Variants in STUM observed in about 807,000 individuals in gnomAD.
The protein encoded by STUM is protein stum homolog.
Under a neutral mutation model 15.3 loss-of-function variants are expected in STUM, and 8 were observed. The ratio of observed to expected loss-of-function variants is 0.52; its 90% CI spans 0.31 to 0.94. The LOEUF is 0.94. STUM is among the 40% of genes least tolerant of loss of function. The pLI, the probability that STUM is intolerant of heterozygous loss-of-function variation, is 0.05. For missense variants in STUM, 142 were observed against 204.9 expected, an observed-to-expected ratio of 0.69 and a Z score of 1.87; for synonymous variants, 78 against 88.7, an observed-to-expected ratio of 0.88 and a Z score of 0.68.
chr1:226,581,000 G>A (rs113668551), intron 1 of STUM, among the ~76,000 whole-genome samples: 3,967 of 152,288 alleles, frequency 0.026, 183 homozygotes, highest in African/African-American at 0.09. Context: ...ATAGTCTTCT[G>A]CCAAGGCCCA....
chr1:226,549,919 G>A lies in STUM; in HGVS notation c.202+813G>A, dbSNP rs958274444. On this transcript the variant is annotated intron_variant, in intron 1 of 3. Coordinates refer to ENST00000366788, the MANE Select transcript of STUM (RefSeq NM_001003665.4). This position sits in a 1 kb window ranked among gnomAD's most constrained non-coding sequence, Gnocchi z 6.8. ...CCTTACAGAGATGGTGCAGGAGGGT[G>A]AATGGAGGCAGGGAATGAGAAGTTT... 1.3e-5 allele frequency among the ~76,000 whole-genome samples: 2 copies of A among 152,172 alleles called. No homozygotes were observed. Among genetic ancestry groups the A allele is most frequent in the Non-Finnish European group, 2.9e-5 (2 of 68,024 alleles).
In STUM at chr1:226,567,622, G is replaced by A. The variant is rs997539008; in HGVS notation, c.202+18516G>A. ...AGAGAATGAGCTATACAAAGAGATC[G>A]AGGGAGGAGATGAACAGGTAAGACA... On this transcript the variant is annotated intron_variant, in intron 1 of 3. Transcript: ENST00000366788. The surrounding 1 kb of genome is among the most constrained non-coding windows in gnomAD (Gnocchi z 4.5). 6.6e-6 allele frequency among the ~76,000 whole-genome samples: 1 copy of A among 152,160 alleles called. No individual in the cohort carries two copies. Among genetic ancestry groups the A allele is most frequent in the African/African-American group, 2.4e-5 (1 of 41,440 alleles).
rs984659570 is a variant in STUM, at chr1:226,567,356, C to T, written c.202+18250C>T. Among the ~76,000 whole-genome samples, 3 of 152,206 alleles carry T rather than the reference C, an allele frequency of 2.0e-5. No individual in the cohort carries two copies. Among genetic ancestry groups the T allele is most frequent in the Non-Finnish European group, 4.4e-5 (3 of 68,030 alleles). ...CACACTACACTGCTAAAATGCTGAACATTTGCAGTGGAAAATAACGGAAAA... is the reference window on the plus strand; with the variant it reads ...CACACTACACTGCTAAAATGCTGAATATTTGCAGTGGAAAATAACGGAAAA... On this transcript the variant is annotated intron_variant, in intron 1 of 3. Transcript: ENST00000366788. This position sits in a 1 kb window ranked among gnomAD's most constrained non-coding sequence, Gnocchi z 4.5.
chr1:226,599,498 C>T (rs140338339), intron 2 of STUM, among the ~76,000 whole-genome samples: 1 of 152,326 alleles, frequency 6.6e-6, no homozygotes, highest in African/African-American at 2.4e-5. Context: ...ATAAGGGACT[C>T]TTCTTTCTGG....
Position 226,553,886 on chromosome 1 carries a change from A to C in STUM, c.202+4780A>C, listed in dbSNP as rs1166275032. Among the ~76,000 whole-genome samples, 3 of 152,246 alleles carry C rather than the reference A, an allele frequency of 2.0e-5. No individual in the cohort carries two copies. The East Asian group carries it at 5.8e-4, about 29-fold the overall frequency. On this transcript the variant is annotated intron_variant, in intron 1 of 3. Transcript: ENST00000366788. Reference sequence around the variant, plus strand: ...GAGTACGTAAAGAGTTTCTGGCTTGACAACATAAAAGAAGTTGGAAAGTAG... The same window carrying C: ...GAGTACGTAAAGAGTTTCTGGCTTGCCAACATAAAAGAAGTTGGAAAGTAG...
chr1:226,572,499 A>G (rs1349789162), intron 1 of STUM, among the ~76,000 whole-genome samples: 2 of 152,324 alleles, frequency 1.3e-5, no homozygotes, highest in Admixed American at 6.5e-5. Flanking sequence ...GAAAGGGGAA[A>G]GTGGAGCTGG....
In STUM at chr1:226,602,663, C is replaced by G. The variant is rs1379394449; in HGVS notation, c.*623C>G. On this transcript the variant is annotated 3_prime_UTR_variant, in exon 4 of 4. Transcript: ENST00000366788. Reference sequence around the variant, plus strand: ...GGGCCTGCCTCCCTGACCGCACCCCCCGCCTCCTCGCAGCTGAAATCTGAG... The same window carrying G: ...GGGCCTGCCTCCCTGACCGCACCCCGCGCCTCCTCGCAGCTGAAATCTGAG... 1 of 152,506 alleles carries G rather than the reference C, an allele frequency of 6.6e-6. No individual in the cohort carries two copies. The highest frequency in any genetic ancestry group is 1.5e-5 in the Non-Finnish European group (1 of 68,296). The allele number at this position is 152,506 out of a possible 1,614,324, so 9.4% of individuals were successfully genotyped here.
chr1:226,604,277 T>G lies in STUM; in HGVS notation c.*2237T>G, dbSNP rs1668321620. 6.6e-6 allele frequency: 1 copy of G among 152,186 alleles called. No homozygotes were observed. Among genetic ancestry groups the G allele is most frequent in the Non-Finnish European group, 1.5e-5 (1 of 68,066 alleles). The allele number at this position is 152,186 out of a possible 1,614,324, so 9.4% of individuals were successfully genotyped here. A position where few individuals can be genotyped will look rare whatever the true frequency, so the allele number is the denominator to read the frequency against. On this transcript the variant is annotated 3_prime_UTR_variant, in exon 4 of 4. Coordinates refer to ENST00000366788, the MANE Select transcript of STUM (RefSeq NM_001003665.4). This position sits in a 1 kb window ranked among gnomAD's most constrained non-coding sequence, Gnocchi z 4.7. ...CAGATGCAGGTGGGACTTTCTTGAG[T>G]GGCAGGTGTCACCCTGGGTCCCGTG...
At chr1:226,592,195 G>A (rs1935308) in intron 1 of STUM, among the ~76,000 whole-genome samples, 48,938 of 152,040 alleles carry the variant, frequency 0.32, 9,337 homozygotes, top group Admixed American at 0.45. Flanking sequence ...CTACAGGCGT[G>A]CACCACCACA....
intron 1 of STUM, among the ~76,000 whole-genome samples, chr1:226,575,797 GCACGCCAA>G: frequency 6.6e-6 from 1 of 152,356 alleles, no homozygotes; most frequent in South Asian, 2.1e-4. Context: ...AAAGGCAACT[GCACGCCAA>G]TAGATAGTCA....
At chr1:226,588,610 G>T (rs983787721) in intron 1 of STUM, among the ~76,000 whole-genome samples, 23 of 152,192 alleles carry the variant, frequency 1.5e-4, no homozygotes, top group Non-Finnish European at 2.8e-4. Context: ...AGAAGTATTT[G>T]TGAAACTTGT....
intron 1 of STUM, among the ~76,000 whole-genome samples, chr1:226,585,170 A>G (rs1397367490): frequency 6.6e-6 from 1 of 152,178 alleles, no homozygotes; most frequent in Non-Finnish European, 1.5e-5. Context: ...AATGATAATA[A>G]TTTTTTTAAA....
At chr1:226,589,115 G>A (rs546543092) in intron 1 of STUM, among the ~76,000 whole-genome samples, 4 of 152,180 alleles carry the variant, frequency 2.6e-5, no homozygotes, top group Non-Finnish European at 5.9e-5. Flanking sequence ...TCGGAAGACA[G>A]CTCTGCCTTT....
At chr1:226,555,189 C>T (rs1443938183) in intron 1 of STUM, among the ~76,000 whole-genome samples, 2 of 152,148 alleles carry the variant, frequency 1.3e-5, no homozygotes, top group African/African-American at 4.8e-5. Flanking sequence ...TCTTCTTGAC[C>T]CTGATCTTCT....
intron 1 of STUM, among the ~76,000 whole-genome samples, chr1:226,568,233 AAAAG>A (rs1420025387): frequency 1.3e-5 from 2 of 152,182 alleles, no homozygotes; most frequent in African/African-American, 2.4e-5. Context: ...TGTTTATTGA[AAAAG>A]AAAGAGTTTG....
chr1:226,586,616 C>T (rs1005941295), intron 1 of STUM, among the ~76,000 whole-genome samples: 10 of 152,146 alleles, frequency 6.6e-5, no homozygotes, highest in South Asian at 2.1e-4. Flanking sequence ...ATGTTGTAGG[C>T]TCTCACTGCC....
intron 1 of STUM, among the ~76,000 whole-genome samples, chr1:226,575,438 G>A (rs1558282069): frequency 6.6e-6 from 1 of 152,232 alleles, no homozygotes; most frequent in East Asian, 1.9e-4. Context: ...TCCAATCCCT[G>A]CCGGCAGGCA....
chr1:226,605,234 C>T lies in STUM; in HGVS notation c.*3194C>T, dbSNP rs1456015424. 6.6e-6 allele frequency: 1 copy of T among 152,400 alleles called. No homozygotes were observed. The highest frequency in any genetic ancestry group is 1.9e-4 in the East Asian group (1 of 5,192). 9.4% of individuals were successfully genotyped at this position (152,400 alleles called of 1,614,324 possible). On this transcript the variant is annotated 3_prime_UTR_variant, in exon 4 of 4. Transcript: ENST00000366788. This position sits in a 1 kb window ranked among gnomAD's most constrained non-coding sequence, Gnocchi z 4.0. The stretch of plus-strand genomic sequence containing the variant: ...CCACACATCCAGCCCCAAGAGCAGC[C>T]TCACCCAGGCACAGTGCAGGGCATT...
intron 1 of STUM, among the ~76,000 whole-genome samples, chr1:226,560,277 A>G (rs1048957069): frequency 1.3e-5 from 2 of 152,198 alleles, no homozygotes; most frequent in African/African-American, 4.8e-5. Context: ...AGAACCTTGG[A>G]AGTTTAATGT....
Sources: allele counts gnomAD v4.1 joint callset (sites outside exome capture counted in the v4.1 genomes callset), GRCh38; gene constraint gnomAD v4.1.1; non-coding constraint Gnocchi (gnomAD v3.1); transcripts MANE v1.5; gene names NCBI Gene and HGNC (gene_info 2026-07-23, HGNC 2026-07-21).